DCAF12: variants seen among roughly 807,000 people sequenced by gnomAD.
The protein encoded by DCAF12 is DDB1- and CUL4-associated factor 12.
In DCAF12, 28 loss-of-function variants were observed where a neutral mutation model predicts 52.8. The ratio of observed to expected loss-of-function variants is 0.53; its 90% confidence interval spans 0.39 to 0.73. The LOEUF is 0.73. DCAF12 is among the 30% of genes least tolerant of loss of function. DCAF12 has a pLI of 0.00. For missense variants in DCAF12, 425 were observed against 552.2 expected (o/e 0.77, Z 2.31); for synonymous variants, 196 against 215.5 (o/e 0.91, Z 0.79).
At chr9:34,100,881 C>T (rs1437042133) in intron 4 of DCAF12, among the ~76,000 whole-genome samples, 1 of 151,600 alleles carries the variant, frequency 6.6e-6, no homozygotes, top group Admixed American at 6.6e-5. Flanking sequence ...TCAAGTGATC[C>T]TCATACCTCA....
Position 34,098,457 on chromosome 9 carries a change from T to A in DCAF12, c.662A>T (p.Asp221Val), listed in dbSNP as rs1828774412. Residue 221 changes from aspartate (D) to valine (V), a missense_variant, in exon 5 of 9, where the codon GAT (aspartate) becomes GTT (valine). Physicochemically the swap from Asp to Val is radical, Grantham distance 152 (BLOSUM62 -3). Transcript: ENST00000361264. ...EVTDDVLTKS[D>V]ARHNVSRVPV... Reference sequence around the variant, plus strand: ...GACCCGTGACACATTGTGTCTCGCATCACTTTTGGTCAAAACATCATCTGT... The same window carrying A: ...GACCCGTGACACATTGTGTCTCGCAACACTTTTGGTCAAAACATCATCTGT... 1 of 1,614,192 alleles carries A rather than the reference T, an allele frequency of 6.2e-7. No homozygotes were observed. Among genetic ancestry groups the A allele is most frequent in the African/African-American group, 1.3e-5 (1 of 75,058 alleles).
chr9:34,088,126 TA>T lies in DCAF12; in HGVS notation c.*223del. 2.6e-6 allele frequency: 1 copy of T among 389,004 alleles called. No individual in the cohort carries two copies. The highest frequency in any genetic ancestry group is 4.5e-6 in the Non-Finnish European group (1 of 222,208). 24.1% of individuals were successfully genotyped at this position (389,004 alleles called of 1,614,324 possible). On this transcript the variant is annotated 3_prime_UTR_variant, in exon 9 of 9. Coordinates refer to ENST00000361264, the MANE Select transcript of DCAF12 (RefSeq NM_015397.4). ...TGTTTGGTTGAAAAGCCAGAAATAATAAAAGATAGTAAAATTTTGATTACCA... is the reference window on the plus strand; with the variant it reads ...TGTTTGGTTGAAAAGCCAGAAATAATAAAGATAGTAAAATTTTGATTACCA...
At chr9:34,098,612 G>A in intron 4 of DCAF12, 95 bp from the exon 5 acceptor site, 1 of 1,335,974 alleles carries the variant, frequency 7.5e-7, no homozygotes, top group Non-Finnish European at 1.0e-6. Context: ...CTAGCTGTTT[G>A]TGCATCATCC....
chr9:34,099,862 G>C (rs1320409346), intron 4 of DCAF12, among the ~76,000 whole-genome samples: 4 of 152,156 alleles, frequency 2.6e-5, no homozygotes, highest in African/African-American at 9.7e-5. Flanking sequence ...AAAGTGCTGG[G>C]ATTACAGGCA....
intron 5 of DCAF12, among the ~76,000 whole-genome samples, chr9:34,097,164 A>G (rs1828748159): frequency 6.6e-6 from 1 of 150,740 alleles, no homozygotes; most frequent in Non-Finnish European, 1.5e-5. Context: ...TACAGATGGG[A>G]TAGGAGGTTG....
intron 4 of DCAF12, among the ~76,000 whole-genome samples, chr9:34,104,323 T>G (rs1038321826): frequency 6.6e-6 from 1 of 151,862 alleles, no homozygotes; most frequent in African/African-American, 2.4e-5. Context: ...GAATGTTAAT[T>G]ATGTGAAATT....
At chr9:34,110,141 T>G (rs189684016) in intron 2 of DCAF12, among the ~76,000 whole-genome samples, 4 of 151,852 alleles carry the variant, frequency 2.6e-5, no homozygotes, top group Non-Finnish European at 4.4e-5. Context: ...GACAAACCAC[T>G]CTCAAACTGG....
At chr9:34,119,274 A>G (rs1829135672) in intron 2 of DCAF12, among the ~76,000 whole-genome samples, 1 of 152,222 alleles carries the variant, frequency 6.6e-6, no homozygotes, top group South Asian at 2.1e-4. Flanking sequence ...ATGAGTGTTT[A>G]TTGTACAAAC....
chr9:34,109,393 C>T (rs1052805073), intron 2 of DCAF12: 7 of 200,160 alleles, frequency 3.5e-5, no homozygotes, highest in Admixed American at 4.7e-5. Flanking sequence ...TTGCCAATGA[C>T]GGTGGCAGCC....
intron 2 of DCAF12, among the ~76,000 whole-genome samples, chr9:34,112,805 GGTGAATC>G (rs1405707752): frequency 6.6e-6 from 1 of 152,022 alleles, no homozygotes; most frequent in Admixed American, 6.6e-5. Flanking sequence ...GGCTGAGGCA[GGTGAATC>G]GCTTGAACCC....
At chr9:34,109,742 TG>T in intron 2 of DCAF12, 1 of 277,310 alleles carries the variant, frequency 3.6e-6, no homozygotes, top group Non-Finnish European at 7.3e-6. Flanking sequence ...GAGCTGGCCC[TG>T]GAAGCTCAGG....
At chr9:34,124,200 A>G (rs923093612) in intron 2 of DCAF12, among the ~76,000 whole-genome samples, 5 of 152,172 alleles carry the variant, frequency 3.3e-5, no homozygotes, top group African/African-American at 1.2e-4. Context: ...TTACTCACAC[A>G]TTATGACATT....
chr9:34,105,484 A>G (rs542919127), intron 4 of DCAF12, among the ~76,000 whole-genome samples: 3 of 152,164 alleles, frequency 2.0e-5, no homozygotes, highest in Non-Finnish European at 2.9e-5. Context: ...TAAAATGTCA[A>G]CAGTCGTTAT....
intron 1 of DCAF12, chr9:34,125,618 A>T (rs1478245605): frequency 2.1e-6 from 1 of 478,302 alleles, no homozygotes; most frequent in East Asian, 6.7e-5. Context: ...CATGGGCTGC[A>T]TCTCTACCCA....
At chr9:34,102,283 C>CA (rs148123227) in intron 4 of DCAF12, among the ~76,000 whole-genome samples, 45,056 of 142,428 alleles carry the variant, frequency 0.32, 7,124 homozygotes, top group Non-Finnish European at 0.37. Flanking sequence ...ACCCTGCCTC[C>CA]AAAAAAAAAA....
intron 2 of DCAF12, chr9:34,109,688 T>C (rs913859106): frequency 5.6e-6 from 1 of 179,932 alleles, no homozygotes; most frequent in East Asian, 1.6e-4. Context: ...AGTCCAGACA[T>C]GAAGAAGTGC....
At chr9:34,095,231 C>T (rs1441745129) in intron 6 of DCAF12, among the ~76,000 whole-genome samples, 1 of 151,746 alleles carries the variant, frequency 6.6e-6, no homozygotes, top group Non-Finnish European at 1.5e-5. Context: ...CCCACCACCA[C>T]GCCCAGCTAA....
intron 2 of DCAF12, among the ~76,000 whole-genome samples, chr9:34,108,812 A>AAAAT (rs1554700901): frequency 1.4e-5 from 2 of 139,314 alleles, no homozygotes; most frequent in African/African-American, 2.6e-5. Context: ...TAAATAAATA[A>AAAAT]ATATATATAT....
intron 4 of DCAF12, among the ~76,000 whole-genome samples, chr9:34,104,409 C>A (rs1339550879): frequency 1.3e-5 from 2 of 151,938 alleles, no homozygotes; most frequent in Non-Finnish European, 1.5e-5. Flanking sequence ...GGGGTGCAAG[C>A]ATGGAAGCTA....
Sources: allele counts gnomAD v4.1 joint callset (sites outside exome capture counted in the v4.1 genomes callset), GRCh38; gene constraint gnomAD v4.1.1; transcripts MANE v1.5; gene names NCBI Gene and HGNC (gene_info 2026-07-23, HGNC 2026-07-21).